The following ATRNL1 variants were observed in gnomAD, a reference collection of about 807,000 sequenced individuals.
The protein encoded by ATRNL1 is attractin-like protein 1.
Under a neutral mutation model 182.7 loss-of-function variants are expected in ATRNL1, and 95 were observed. The observed-to-expected ratio is 0.52, with a 90% confidence interval of 0.44 to 0.62. ATRNL1 has a LOEUF of 0.62. Among genes scored for constraint, ATRNL1 ranks in the 20% least tolerant of loss-of-function variants. The pLI, the probability that ATRNL1 is intolerant of heterozygous loss-of-function variation, is 0.00. For synonymous variants in ATRNL1, 576 were observed against 568.3 expected (o/e 1.01, Z -0.19); for missense variants, 1,471 against 1,679.5 (o/e 0.88, Z 2.17).
At chr10:115,466,756 A>C (rs541305792) in intron 22 of ATRNL1, among the ~76,000 whole-genome samples, 1 of 151,304 alleles carries the variant, frequency 6.6e-6, no homozygotes, top group South Asian at 2.1e-4. Flanking sequence ...CCTAAGAAGA[A>C]GTCTTTTAAA....
At chr10:115,860,528 C>G (rs1269395431) in intron 28 of ATRNL1, among the ~76,000 whole-genome samples, 2 of 151,108 alleles carry the variant, frequency 1.3e-5, no homozygotes, top group Non-Finnish European at 2.9e-5. Flanking sequence ...AAAATAGATA[C>G]ATAAAAAAAA....
At chr10:115,107,625 C>T (rs1844072365) in intron 1 of ATRNL1, among the ~76,000 whole-genome samples, 1 of 152,170 alleles carries the variant, frequency 6.6e-6, no homozygotes, top group Non-Finnish European at 1.5e-5. Context: ...TCCCATGGCC[C>T]TATTAGGCAT....
intron 19 of ATRNL1, among the ~76,000 whole-genome samples, chr10:115,338,166 A>G (rs1266816668): frequency 1.3e-5 from 2 of 152,062 alleles, no homozygotes; most frequent in African/African-American, 4.8e-5. Context: ...GTTGCTTCCA[A>G]ATTTTATCTA....
chr10:115,820,504 T>G (rs2134280706), intron 27 of ATRNL1: 1 of 152,216 alleles, frequency 6.6e-6, no homozygotes, highest in Admixed American at 6.6e-5. Context: ...ATGTCAAGAC[T>G]TTGGATATTC....
chr10:115,575,291 T>C (rs1854635138), intron 26 of ATRNL1, among the ~76,000 whole-genome samples: 1 of 152,196 alleles, frequency 6.6e-6, no homozygotes, highest in Non-Finnish European at 1.5e-5. Flanking sequence ...TGAGCAATTA[T>C]GTGTGTAGTA....
At chr10:115,128,992 A>T (rs1021287115) in intron 4 of ATRNL1, among the ~76,000 whole-genome samples, 20 of 152,282 alleles carry the variant, frequency 1.3e-4, no homozygotes, top group Admixed American at 5.2e-4. Context: ...TTTCTGTAAA[A>T]TATACAATCA....
rs561798546 is a variant in ATRNL1, at chr10:115,375,811, A to G, written c.3176-18848A>G. Among the ~76,000 whole-genome samples, 4 of 152,228 alleles carry G rather than the reference A, an allele frequency of 2.6e-5. No individual in the cohort carries two copies. In the South Asian group the frequency reaches 8.3e-4, roughly 32 times the overall value. On this transcript the variant is annotated intron_variant, in intron 19 of 28. Transcript: ENST00000355044. Reference sequence around the variant, plus strand: ...TTTTTAGAAAATGTATTATGACTATAGATACTTCATTACTTTTTTCTTTTA... The same window carrying G: ...TTTTTAGAAAATGTATTATGACTATGGATACTTCATTACTTTTTTCTTTTA...
intron 1 of ATRNL1, among the ~76,000 whole-genome samples, chr10:115,100,570 G>T (rs1270745689): frequency 6.6e-6 from 1 of 152,044 alleles, no homozygotes; most frequent in Non-Finnish European, 1.5e-5. Context: ...ATATATTTGT[G>T]TTTCTATTTC....
rs890899952 is a variant in ATRNL1, at chr10:115,849,422, C to G, written c.4018+1431C>G. Among the ~76,000 whole-genome samples the G allele has an allele frequency of 2.2e-4, 34 of 152,154 alleles. 1 individual carries two copies. Among genetic ancestry groups the G allele is most frequent in the Non-Finnish European group, 7.3e-5 (5 of 68,032 alleles). On this transcript the variant is annotated intron_variant, in intron 28 of 28. Coordinates refer to ENST00000355044, the MANE Select transcript of ATRNL1 (RefSeq NM_207303.4). ...AATGAAAACAAGTCTGTGTGATATA[C>G]ACCAAGGTTTTTCTCGATCCTTCAC...
chr10:115,289,765 A>G (rs78741367), intron 15 of ATRNL1, among the ~76,000 whole-genome samples: 1,789 of 152,306 alleles, frequency 0.012, 34 homozygotes, highest in African/African-American at 0.04. Context: ...TACCAGTACC[A>G]TGCTGTTTTG....
At chr10:115,192,270 G>A (rs115095695) in intron 8 of ATRNL1, among the ~76,000 whole-genome samples, 1,947 of 151,992 alleles carry the variant, frequency 0.013, 49 homozygotes, top group African/African-American at 0.045. Context: ...TTTTATTTTC[G>A]TATATGGTGA....
At chr10:115,279,219 T>A (rs924064675) in intron 13 of ATRNL1, among the ~76,000 whole-genome samples, 20 of 149,156 alleles carry the variant, frequency 1.3e-4, no homozygotes, top group African/African-American at 3.5e-4. Flanking sequence ...AAAAAAATAA[T>A]AATAATAATA....
intron 26 of ATRNL1, among the ~76,000 whole-genome samples, chr10:115,715,831 C>T (rs1555056123): frequency 6.6e-6 from 1 of 152,182 alleles, no homozygotes; most frequent in African/African-American, 2.4e-5. Context: ...TCCTAGATGA[C>T]CATCTGTCAG....
At chr10:115,660,330 C>T (rs373345064) in intron 26 of ATRNL1, among the ~76,000 whole-genome samples, 4 of 151,866 alleles carry the variant, frequency 2.6e-5, no homozygotes, top group Non-Finnish European at 4.4e-5. Context: ...TGATAGTCAA[C>T]GAAATAGAGA....
chr10:115,616,474 T>C (rs1200561958), intron 26 of ATRNL1, among the ~76,000 whole-genome samples: 6 of 152,120 alleles, frequency 3.9e-5, no homozygotes, highest in Admixed American at 3.9e-4. Flanking sequence ...CTGCAGAAAT[T>C]TGCAGAAGTA....
At position 115,666,025 on chromosome 10, in the gene ATRNL1, T is replaced by C. The variant is rs1201977179; in HGVS notation, c.3796-61223T>C. On this transcript the variant is annotated intron_variant, in intron 26 of 28. Coordinates refer to ENST00000355044, the MANE Select transcript of ATRNL1 (RefSeq NM_207303.4). Reference sequence around the variant, plus strand: ...GTTGATGAAAATAACATTGGTATGGTAATTTGATTATGATAAATATAAATA... The same window carrying C: ...GTTGATGAAAATAACATTGGTATGGCAATTTGATTATGATAAATATAAATA... Among the ~76,000 whole-genome samples the C allele has an allele frequency of 6.6e-5, 10 of 152,256 alleles. No homozygotes were observed. The East Asian group carries it at 1.9e-3, about 29-fold the overall frequency.
intron 8 of ATRNL1, among the ~76,000 whole-genome samples, chr10:115,175,541 A>G (rs1847468339): frequency 1.3e-5 from 2 of 152,028 alleles, no homozygotes; most frequent in Non-Finnish European, 2.9e-5. Flanking sequence ...TGTCTTACTA[A>G]CTGCATTACT....
chr10:115,648,183 G>T (rs1026316657), intron 26 of ATRNL1, among the ~76,000 whole-genome samples: 2 of 152,028 alleles, frequency 1.3e-5, no homozygotes, highest in Admixed American at 1.3e-4. Context: ...GAGCCAAATC[G>T]TGAGTGAACT....
chr10:115,473,914 A>T (rs74835997), intron 24 of ATRNL1, among the ~76,000 whole-genome samples: 2,265 of 151,348 alleles, frequency 0.015, 30 homozygotes, highest in Non-Finnish European at 0.023. Context: ...TGTCAGTTGT[A>T]ATGTCTCCTT....
Sources: gnomAD v4.1 joint callset for allele counts (sites outside exome capture counted in the v4.1 genomes callset) on GRCh38, gnomAD v4.1.1 for gene constraint, MANE v1.5 for transcripts, NCBI Gene and HGNC (gene_info 2026-07-23, HGNC 2026-07-21) for gene names.